THAP3: variants seen among roughly 807,000 people sequenced by gnomAD.
THAP3 encodes the protein THAP domain-containing protein 3.
THAP3 carries 12 observed loss-of-function variants against 17.7 expected under a neutral mutation model. The ratio of observed to expected loss-of-function variants is 0.68; its 90% CI spans 0.43 to 1.10. The LOEUF is 1.10. Ranked by LOEUF, THAP3 falls within the 50% of genes least tolerant of loss-of-function variation. The pLI is 0.00. For missense variants in THAP3, 289 were observed against 318.0 expected, an observed-to-expected ratio of 0.91 and a Z score of 0.69; for synonymous variants, 133 against 126.9, an observed-to-expected ratio of 1.05 and a Z score of -0.32.
At chr1:6,634,068 T>C (rs1407822063), downstream of THAP3, 7 of 1,613,258 alleles carry the variant, frequency 4.3e-6, no homozygotes, top group Non-Finnish European at 5.9e-6. Flanking sequence ...ACGTGAAGCC[T>C]TGTGGTTGAG....
rs575124055 is a variant in THAP3 at position 6,631,544 on chromosome 1, G to A, written c.334-847G>A. On this transcript the variant is annotated intron_variant, in intron 4 of 5. Coordinates refer to ENST00000054650, the MANE Select transcript of THAP3 (RefSeq NM_001195753.2). The stretch of plus-strand genomic sequence containing the variant: ...AGCACTTTGGGAGGCCGAGGCAGGC[G>A]GATCACCTGAGGTTAGGAGTTCGAA... 1.2e-4 allele frequency among the ~76,000 whole-genome samples: 19 copies of A among 152,142 alleles called. No homozygotes were observed. The South Asian group carries it at 3.3e-3, about 27-fold the overall frequency.
chr1:6,632,243 GTGTGC>G, intron 4 of THAP3, 143 bp from the exon 5 acceptor site: 1 of 1,002,948 alleles, frequency 1.0e-6, no homozygotes, highest in Non-Finnish European at 1.5e-6. Context: ...GTTCCAGGGT[GTGTGC>G]TAGGGAGAAG....
chr1:6,634,542 C>T (rs781561069), downstream of THAP3: 26 of 1,363,596 alleles, frequency 1.9e-5, no homozygotes, highest in Admixed American at 5.8e-5. Context: ...ACCACCTGTG[C>T]GGCGCTTGCT....
In THAP3 at chr1:6,630,254, G is replaced by T. The variant is rs778908215; in HGVS notation, c.268-34G>T. ...CTGCCCCGAGCTCTGAGGGTTCTTG[G>T]GGTCTGCATCCACTCTGTGTGTGTC... On this transcript the variant is annotated intron_variant, in intron 3 of 5. Transcript: ENST00000054650. 7 of 1,607,298 alleles carry T rather than the reference G, an allele frequency of 4.4e-6. No individual in the cohort carries two copies. The Admixed American group carries it at 8.3e-5, about 19-fold the overall frequency.
chr1:6,635,511 G>C (rs1641745336), downstream of THAP3: 4 of 750,074 alleles, frequency 5.3e-6, no homozygotes, highest in Non-Finnish European at 8.6e-6. Flanking sequence ...ACCCTCAAAA[G>C]CTGGGGTGTC....
chr1:6,625,418 G>A (rs1046726220), intron 2 of THAP3, 126 bp downstream of exon 2: 2 of 824,012 alleles, frequency 2.4e-6, no homozygotes, highest in South Asian at 6.1e-5. Flanking sequence ...GACAGGCCGA[G>A]GTCCTGGGCC....
At position 6,628,605 on chromosome 1, in the gene THAP3, C is replaced by T; in HGVS notation, c.181C>T (p.Pro61Ser). The T allele has an allele frequency of 6.2e-7, 1 of 1,613,890 alleles. No homozygotes were observed. Among genetic ancestry groups the T allele is most frequent in the Non-Finnish European group, 8.5e-7 (1 of 1,180,018 alleles). The change falls in exon 3 of 6, where the codon CCA becomes TCA. Residue 61 changes from proline (P) to serine (S), a missense_variant. Coordinates refer to ENST00000054650, the MANE Select transcript of THAP3 (RefSeq NM_001195753.2). ...GGTCATCTGCTCCGAGCACTTCCGG[C>T]CAGAGTGCTTCAGCGCCTTTGGAAA... ...HTVICSEHFRPECFSAFGNRK... is the reference protein window; with the variant it reads ...HTVICSEHFRSECFSAFGNRK...
chr1:6,630,043 C>T (rs1478320799), intron 3 of THAP3, among the ~76,000 whole-genome samples: 1 of 152,168 alleles, frequency 6.6e-6, no homozygotes, highest in Non-Finnish European at 1.5e-5. Context: ...TAGATGGGTC[C>T]CTAGCTCTAC....
intron 3 of THAP3, among the ~76,000 whole-genome samples, 165 bp downstream of exon 3, chr1:6,628,856 G>A (rs1641533525): frequency 6.6e-6 from 1 of 152,152 alleles, no homozygotes; most frequent in African/African-American, 2.4e-5. Flanking sequence ...TGGCCCTGCT[G>A]GCCATGACCT....
chr1:6,633,420 G>A lies in THAP3; in HGVS notation c.*343G>A. The A allele has an allele frequency of 8.4e-7, 1 of 1,188,744 alleles. No homozygotes were observed. The highest frequency in any genetic ancestry group is 1.1e-6 in the Non-Finnish European group (1 of 950,754). The allele number at this position is 1,188,744 out of a possible 1,614,324, so 73.6% of individuals were successfully genotyped here. Reference sequence around the variant, plus strand: ...CCCAGTGTGGGAGATGCTCCTCAGGGAGGAAGCCATGTGAGGGGGCTGGCT... The same window carrying A: ...CCCAGTGTGGGAGATGCTCCTCAGGAAGGAAGCCATGTGAGGGGGCTGGCT... On this transcript the variant is annotated 3_prime_UTR_variant, in exon 6 of 6. Coordinates refer to ENST00000054650, the MANE Select transcript of THAP3 (RefSeq NM_001195753.2).
At position 6,628,504 on chromosome 1, in the gene THAP3, C is replaced by T. The variant is rs774229807; in HGVS notation, c.80C>T (p.Pro27Leu). 1.1e-5 allele frequency: 18 copies of T among 1,610,452 alleles called. No individual in the cohort carries two copies. The Admixed American group carries it at 1.3e-4, about 12-fold the overall frequency. Residue 27 changes from proline (P) to leucine (L), a missense_variant, in exon 3 of 6, where the codon CCG becomes CTG. Physicochemically the swap from Pro to Leu is moderately conservative, Grantham distance 98. Coordinates refer to ENST00000054650, the MANE Select transcript of THAP3 (RefSeq NM_001195753.2). Reference sequence around the variant, plus strand: ...CCCCGTGCCTCTGCCCTTAGGTTTCCGTTCAGCCGCCCGGAGCTGCTGAAG... The same window carrying T: ...CCCCGTGCCTCTGCCCTTAGGTTTCTGTTCAGCCGCCCGGAGCTGCTGAAG... The part of the protein sequence containing the change: ...RRKQLTFHRF[P>L]FSRPELLKEW...
chr1:6,630,168 C>T (rs1641569286), intron 3 of THAP3, 120 bp from the exon 4 acceptor site: 2 of 843,958 alleles, frequency 2.4e-6, no homozygotes, highest in Admixed American at 1.8e-5. Context: ...CATTTAGCAG[C>T]TGTTCGTTGA....
In THAP3 at chr1:6,625,209, C is replaced by A. The variant is rs1485681993; in HGVS notation, c.-10C>A. On this transcript the variant is annotated 5_prime_UTR_variant, in exon 2 of 6. The change creates a new upstream start codon in the 5' untranslated region. Coordinates refer to ENST00000054650, the MANE Select transcript of THAP3 (RefSeq NM_001195753.2). ...CCATCTTTGTTGGGGGCAGCCAGGCCTGGCTCGAGATGCCGAAGTCGTGCG... is the reference window on the plus strand; with the variant it reads ...CCATCTTTGTTGGGGGCAGCCAGGCATGGCTCGAGATGCCGAAGTCGTGCG... 1.3e-6 allele frequency: 2 copies of A among 1,540,340 alleles called. No individual in the cohort carries two copies. The highest frequency in any genetic ancestry group is 2.5e-5 in the East Asian group (1 of 40,168).
At chr1:6,634,324 C>G (rs548979382), downstream of THAP3, 5 of 1,026,912 alleles carry the variant, frequency 4.9e-6, no homozygotes, top group South Asian at 8.4e-5. Flanking sequence ...CGGCTCGGGC[C>G]GTGGGGCCGT....
chr1:6,630,433 G>T, intron 4 of THAP3, 80 bp downstream of exon 4: 1 of 1,474,940 alleles, frequency 6.8e-7, no homozygotes, highest in South Asian at 1.1e-5. Context: ...TCCCAGCAAG[G>T]CCGGCCCGCA....
In THAP3 at chr1:6,633,477, A is replaced by C; in HGVS notation, c.*400A>C. ...CGGGTGAGTGGTCCCCTCCTCCATC[A>C]GCCTGGACAGCCGCTCGGGGTTCTA... is the stretch of plus-strand genomic sequence containing the variant. On this transcript the variant is annotated 3_prime_UTR_variant, in exon 6 of 6. Transcript: ENST00000054650. The C allele has an allele frequency of 8.8e-7, 1 of 1,133,344 alleles. No individual in the cohort carries two copies. Among genetic ancestry groups the C allele is most frequent in the Non-Finnish European group, 1.1e-6 (1 of 918,268 alleles). 70.2% of individuals were successfully genotyped at this position (1,133,344 alleles called of 1,614,324 possible).
downstream of THAP3, chr1:6,634,478 G>A (rs758930243): frequency 3.0e-6 from 4 of 1,325,894 alleles, no homozygotes; most frequent in African/African-American, 1.5e-5. Context: ...CAACAGCTGT[G>A]GGTGGGCTGG....
At position 6,633,471 on chromosome 1, in the gene THAP3, T is replaced by C. The variant is rs1570252856; in HGVS notation, c.*394T>C. The C allele has an allele frequency of 6.1e-6, 7 of 1,138,466 alleles. No individual in the cohort carries two copies. The highest frequency in any genetic ancestry group is 7.6e-6 in the Non-Finnish European group (7 of 921,136). 70.5% of individuals were successfully genotyped at this position (1,138,466 alleles called of 1,614,324 possible). On this transcript the variant is annotated 3_prime_UTR_variant, in exon 6 of 6. Coordinates refer to ENST00000054650, the MANE Select transcript of THAP3 (RefSeq NM_001195753.2). ...CTGTGGCGGGTGAGTGGTCCCCTCC[T>C]CCATCAGCCTGGACAGCCGCTCGGG...
rs769456759 is a variant in THAP3 at position 6,630,269 on chromosome 1, CTG to C, written c.268-11_268-10del. 1.3e-5 allele frequency: 21 copies of C among 1,613,478 alleles called. No homozygotes were observed. The South Asian group carries it at 2.2e-4, about 17-fold the overall frequency. Reference sequence around the variant, plus strand: ...AGGGTTCTTGGGGTCTGCATCCACTCTGTGTGTGTCTCTTGTAGCAGGTGAGG... The same window carrying C: ...AGGGTTCTTGGGGTCTGCATCCACTCTGTGTGTCTCTTGTAGCAGGTGAGG... On this transcript the variant is annotated splice_polypyrimidine_tract_variant and intron_variant, in intron 3 of 5. Transcript: ENST00000054650.
Sources: gnomAD v4.1 joint callset for allele counts (sites outside exome capture counted in the v4.1 genomes callset) on GRCh38, gnomAD v4.1.1 for gene constraint, MANE v1.5 for transcripts, NCBI Gene and HGNC (gene_info 2026-07-23, HGNC 2026-07-21) for gene names.